Variants in ZNF407 observed in about 807,000 individuals in gnomAD.
The protein encoded by ZNF407 is zinc finger protein 407.
A neutral mutation model predicts 131.2 loss-of-function variants in ZNF407; 17 were observed. The observed-to-expected ratio is 0.13, with a 90% CI of 0.09 to 0.19. ZNF407 has a LOEUF of 0.19. ZNF407 is among the 10% of genes least tolerant of loss of function. ZNF407 has a pLI of 1.00. For missense variants in ZNF407, 2,681 were observed against 2,830.6 expected (o/e 0.95, Z 1.20); for synonymous variants, 1,156 against 1,062.0 (o/e 1.09, Z -1.72).
chr18:74,920,793 G>A, intron 8 of ZNF407, 101 bp downstream of exon 8: 1 of 1,416,182 alleles, frequency 7.1e-7, no homozygotes, highest in Non-Finnish European at 9.3e-7. Context: ...TTGTAATGGA[G>A]TAGAGTATGT....
intron 1 of ZNF407, among the ~76,000 whole-genome samples, chr18:74,628,189 TA>T (rs1983888162): frequency 6.6e-6 from 1 of 152,184 alleles, no homozygotes; most frequent in Non-Finnish European, 1.5e-5. Flanking sequence ...TAAAACTAGA[TA>T]AATTTATCTT....
chr18:74,681,671 T>C (rs974284718), intron 3 of ZNF407, among the ~76,000 whole-genome samples: 7 of 152,336 alleles, frequency 4.6e-5, no homozygotes, highest in South Asian at 2.1e-4. Context: ...TATGCTATTA[T>C]TGGAATAATT....
chr18:74,610,563 A>C (rs1418201706), intron 1 of ZNF407, among the ~76,000 whole-genome samples: 1 of 151,264 alleles, frequency 6.6e-6, no homozygotes, highest in African/African-American at 2.4e-5. Context: ...TTTTTGTTTT[A>C]TTTTGTTGAG....
chr18:74,917,003 A>C (rs547548694), intron 7 of ZNF407, among the ~76,000 whole-genome samples: 1 of 151,466 alleles, frequency 6.6e-6, no homozygotes, highest in Non-Finnish European at 1.5e-5. Flanking sequence ...CCACCTGCAC[A>C]TGTGGCCTCT....
chr18:74,838,283 T>A (rs1027719970), intron 4 of ZNF407, among the ~76,000 whole-genome samples: 7 of 152,186 alleles, frequency 4.6e-5, no homozygotes, highest in African/African-American at 1.7e-4. Flanking sequence ...AATATGAAGC[T>A]GTGATTCTTA....
chr18:75,049,435 C>T (rs1048761916), intron 8 of ZNF407, among the ~76,000 whole-genome samples: 16 of 152,104 alleles, frequency 1.1e-4, no homozygotes, highest in African/African-American at 3.6e-4. Context: ...GATAGGCCCA[C>T]GCGTATTCAG....
At chr18:74,604,216 A>G (rs1982700355) in intron 1 of ZNF407, among the ~76,000 whole-genome samples, 1 of 152,126 alleles carries the variant, frequency 6.6e-6, no homozygotes, top group Admixed American at 6.6e-5. Flanking sequence ...GCTTCTTGGG[A>G]TTCAGGGAAT....
intron 4 of ZNF407, among the ~76,000 whole-genome samples, chr18:74,792,005 G>A (rs1330324119): frequency 6.6e-6 from 1 of 152,100 alleles, no homozygotes; most frequent in Admixed American, 6.5e-5. Flanking sequence ...ATATGGCACT[G>A]CCACTTACCG....
intron 3 of ZNF407, among the ~76,000 whole-genome samples, chr18:74,641,930 A>T (rs1252339462): frequency 6.6e-6 from 1 of 152,152 alleles, no homozygotes; most frequent in East Asian, 1.9e-4. Flanking sequence ...AAAATTCTTC[A>T]TGTGAAACCT....
chr18:75,047,931 G>A (rs1334750010), intron 8 of ZNF407, among the ~76,000 whole-genome samples: 4 of 152,330 alleles, frequency 2.6e-5, no homozygotes, highest in East Asian at 3.9e-4. Flanking sequence ...GAGTAGAGAC[G>A]AAGGTAAACA....
intron 6 of ZNF407, among the ~76,000 whole-genome samples, chr18:74,881,680 T>C (rs990183433): frequency 1.3e-5 from 2 of 152,168 alleles, no homozygotes; most frequent in Non-Finnish European, 2.9e-5. Flanking sequence ...GTATTAAAAA[T>C]AGAAAACATC....
At chr18:74,957,968 T>A (rs1599263567) in intron 8 of ZNF407, among the ~76,000 whole-genome samples, 1 of 152,304 alleles carries the variant, frequency 6.6e-6, no homozygotes, top group East Asian at 1.9e-4. Context: ...GAGGGACACA[T>A]GTTTTAAGAT....
intron 7 of ZNF407, among the ~76,000 whole-genome samples, chr18:74,916,337 C>G (rs1378505554): frequency 2.0e-5 from 1 of 50,234 alleles, no homozygotes; most frequent in Non-Finnish European, 3.3e-5. Flanking sequence ...TGGTTCGAAT[C>G]GGGAGTGTGT....
At chr18:74,689,001 C>A (rs1460250248) in intron 3 of ZNF407, among the ~76,000 whole-genome samples, 1 of 151,910 alleles carries the variant, frequency 6.6e-6, no homozygotes, top group Non-Finnish European at 1.5e-5. Context: ...GGTAATTTTT[C>A]TATTTTTGTA....
chr18:74,702,313 T>G (rs895293900), intron 3 of ZNF407, among the ~76,000 whole-genome samples: 1 of 152,174 alleles, frequency 6.6e-6, no homozygotes, highest in South Asian at 2.1e-4. Context: ...ACACTTTTGG[T>G]GTTTACAATG....
chr18:74,838,451 G>C (rs562412617), intron 4 of ZNF407, among the ~76,000 whole-genome samples: 1 of 152,246 alleles, frequency 6.6e-6, no homozygotes, highest in Admixed American at 6.5e-5. Flanking sequence ...GGATGGTTTG[G>C]TTTTATGCCA....
chr18:75,045,827 TG>T lies in ZNF407; in HGVS notation c.5429-17317del, dbSNP rs568149454. On this transcript the variant is annotated intron_variant, in intron 8 of 8. Coordinates refer to ENST00000299687, the MANE Select transcript of ZNF407 (RefSeq NM_017757.3). ...TTTGGATTGCAGATCAAGTATGCAT[TG>T]GGGGGAGGTAGATGACTATACTCTT... Among the ~76,000 whole-genome samples the T allele has an allele frequency of 2.0e-3, 301 of 152,296 alleles. 2 individuals carry two copies. The highest frequency in any genetic ancestry group is 7.0e-3 in the African/African-American group (290 of 41,558).
chr18:74,945,463 G>A (rs1213011636), intron 8 of ZNF407, among the ~76,000 whole-genome samples: 1 of 152,156 alleles, frequency 6.6e-6, no homozygotes, highest in Non-Finnish European at 1.5e-5. Flanking sequence ...AAAAGACAGA[G>A]TTTGGCTTCT....
chr18:74,833,030 C>G (rs146277475), intron 4 of ZNF407, among the ~76,000 whole-genome samples: 282 of 152,314 alleles, frequency 1.9e-3, no homozygotes, highest in African/African-American at 6.6e-3. Context: ...CGAACACAAG[C>G]TTTCTATATA....
Sources: gnomAD v4.1 joint callset for allele counts (sites outside exome capture counted in the v4.1 genomes callset) on GRCh38, gnomAD v4.1.1 for gene constraint, MANE v1.5 for transcripts, NCBI Gene and HGNC (gene_info 2026-07-23, HGNC 2026-07-21) for gene names.